The following PDCD5 variants were observed in gnomAD, a reference collection of about 807,000 sequenced individuals.
PDCD5 encodes the protein programmed cell death protein 5.
A neutral mutation model predicts 21.9 loss-of-function variants in PDCD5; 23 were observed. The observed-to-expected ratio is 1.05, with a 90% CI of 0.76 to 1.49. The LOEUF is 1.49. Among genes scored for constraint, PDCD5 ranks in the 40% most tolerant of loss-of-function variants. The probability of loss-of-function intolerance (pLI) is 0.00; values close to 1 mark genes in which losing one functional copy is unlikely to be tolerated. For missense variants in PDCD5, 152 were observed against 147.7 expected (o/e 1.03, Z -0.15); for synonymous variants, 45 against 49.4 (o/e 0.91, Z 0.37).
chr19:32,585,968 A>G lies in PDCD5; in HGVS notation c.258+61A>G, dbSNP rs376445308. On this transcript the variant is annotated intron_variant, in intron 4 of 5. Transcript: ENST00000590247. Reference sequence around the variant, plus strand: ...CCTGCTTTATCAAAACATGGCTTCAAAAGGTCAGCTGCATCTTCACTGGAT... The same window carrying G: ...CCTGCTTTATCAAAACATGGCTTCAGAAGGTCAGCTGCATCTTCACTGGAT... 27 of 1,613,908 alleles carry G rather than the reference A, an allele frequency of 1.7e-5. No homozygotes were observed. In the Admixed American group the frequency reaches 2.2e-4, roughly 13 times the overall value.
At chr19:32,587,052 A>G in intron 5 of PDCD5, 123 bp downstream of exon 5, 1 of 956,836 alleles carries the variant, frequency 1.0e-6, no homozygotes, top group South Asian at 1.6e-5. Flanking sequence ...AAACACGTGA[A>G]AGTTTGGGGA....
chr19:32,582,470 A>G (rs571148787), intron 2 of PDCD5, among the ~76,000 whole-genome samples: 1 of 152,298 alleles, frequency 6.6e-6, no homozygotes, highest in East Asian at 1.9e-4. Flanking sequence ...TGAGTACCTT[A>G]AAAATGAGCC....
Position 32,581,265 on chromosome 19 carries a change from GC to G in PDCD5, c.5del (p.Ala2GlyfsTer8). MADEELEALRRQ... is the reference protein window; with the variant it reads MXDEELEALRRQ... Reference sequence around the variant, plus strand: ...GCTCCAGCGCTGACGCCGAGCCATGGCGGACGAGGAGCTTGAGGCGCTGAGG... The same window carrying G: ...GCTCCAGCGCTGACGCCGAGCCATGGGGACGAGGAGCTTGAGGCGCTGAGG... On this transcript the variant is annotated frameshift_variant, in exon 1 of 6. Coordinates refer to ENST00000590247, the MANE Select transcript of PDCD5 (RefSeq NM_004708.4). LOFTEE classifies it high-confidence loss of function. 6.6e-7 allele frequency: 1 copy of G among 1,518,208 alleles called. No individual in the cohort carries two copies. The highest frequency in any genetic ancestry group is 1.4e-5 in the African/African-American group (1 of 70,058). 94.0% of individuals were successfully genotyped at this position (1,518,208 alleles called of 1,614,324 possible).
At chr19:32,586,061 A>G in intron 4 of PDCD5, 154 bp downstream of exon 4, 2 of 1,560,510 alleles carry the variant, frequency 1.3e-6, no homozygotes, top group Non-Finnish European at 1.7e-6. Context: ...TTAAAAGAGA[A>G]TAAATTGCCT....
chr19:32,587,360 T>C lies in PDCD5; in HGVS notation c.*60T>C. On this transcript the variant is annotated 3_prime_UTR_variant, in exon 6 of 6. Coordinates refer to ENST00000590247, the MANE Select transcript of PDCD5 (RefSeq NM_004708.4). Reference sequence around the variant, plus strand: ...CAAGTCTAGGACAGAAGTTAAGATCTGATTATTTACTTTGTTTATTGTCTA... The same window carrying C: ...CAAGTCTAGGACAGAAGTTAAGATCCGATTATTTACTTTGTTTATTGTCTA... 2.6e-6 allele frequency: 3 copies of C among 1,159,924 alleles called. No homozygotes were observed. Among genetic ancestry groups the C allele is most frequent in the Non-Finnish European group, 3.8e-6 (3 of 786,330 alleles). The allele number at this position is 1,159,924 out of a possible 1,614,324, so 71.9% of individuals were successfully genotyped here.
At chr19:32,584,486 C>T (rs1211249966) in intron 2 of PDCD5, among the ~76,000 whole-genome samples, 1 of 152,178 alleles carries the variant, frequency 6.6e-6, no homozygotes, top group East Asian at 1.9e-4. Context: ...AACTGAGAGT[C>T]TTAAAACATG....
chr19:32,584,864 C>A, intron 2 of PDCD5, 86 bp from the exon 3 acceptor site: 1 of 1,023,198 alleles, frequency 9.8e-7, no homozygotes, highest in Non-Finnish European at 1.6e-6. Context: ...TGTGGAGACA[C>A]ATACTGGATG....
chr19:32,586,406 C>A (rs778050031), intron 4 of PDCD5: 56 of 1,169,152 alleles, frequency 4.8e-5, no homozygotes, highest in Non-Finnish European at 5.9e-5. Flanking sequence ...GTCCTGTCCC[C>A]TAAACCCCTC....
Position 32,587,427 on chromosome 19 carries a change from AT to A in PDCD5, c.*130del. 6.7e-6 allele frequency: 4 copies of A among 600,002 alleles called. No homozygotes were observed. In the South Asian group the frequency reaches 1.4e-4, roughly 21 times the overall value. 37.2% of individuals were successfully genotyped at this position (600,002 alleles called of 1,614,324 possible). A position where few individuals can be genotyped will look rare whatever the true frequency, so the allele number is the denominator to read the frequency against. On this transcript the variant is annotated 3_prime_UTR_variant, in exon 6 of 6. Coordinates refer to ENST00000590247, the MANE Select transcript of PDCD5 (RefSeq NM_004708.4). ...ATAAACTTGTTATGCAAAATAAAAC[AT>A]TTGGGTAAGTTGTTTTAGTATCATA...
chr19:32,587,016 C>T, intron 5 of PDCD5, 87 bp downstream of exon 5: 1 of 1,183,370 alleles, frequency 8.5e-7, no homozygotes, highest in Non-Finnish European at 1.2e-6. Context: ...ACATATTTTT[C>T]AGCCCAGAGA....
chr19:32,581,994 C>T (rs1353415253), intron 1 of PDCD5, among the ~76,000 whole-genome samples: 2 of 152,138 alleles, frequency 1.3e-5, no homozygotes, highest in Non-Finnish European at 2.9e-5. Flanking sequence ...CCAAAGCCTT[C>T]TGAGGTTGTG....
chr19:32,585,607 C>A (rs1455393719), intron 3 of PDCD5, among the ~76,000 whole-genome samples: 1 of 152,110 alleles, frequency 6.6e-6, no homozygotes, highest in African/African-American at 2.4e-5. Flanking sequence ...TTAATCTTGG[C>A]TGGGCCACTA....
Position 32,586,938 on chromosome 19 carries a change from C to G in PDCD5, c.330+9C>G. ...AGACAACAACAGTGAAAGTAAGTGT[C>G]CCCAGATGCTTGTGGCAAATGAAAA... On this transcript the variant is annotated intron_variant, in intron 5 of 5. Coordinates refer to ENST00000590247, the MANE Select transcript of PDCD5 (RefSeq NM_004708.4). 1 of 1,592,726 alleles carries G rather than the reference C, an allele frequency of 6.3e-7. No individual in the cohort carries two copies. The highest frequency in any genetic ancestry group is 1.1e-5 in the South Asian group (1 of 88,346).
chr19:32,581,861 G>A (rs1390476122), intron 1 of PDCD5, among the ~76,000 whole-genome samples: 1 of 152,156 alleles, frequency 6.6e-6, no homozygotes, highest in Non-Finnish European at 1.5e-5. Flanking sequence ...GGGACGGAGG[G>A]CGCAGTCTTT....
chr19:32,581,397 C>T (rs1404226067), intron 1 of PDCD5, 70 bp downstream of exon 1: 13 of 1,116,514 alleles, frequency 1.2e-5, no homozygotes, highest in African/African-American at 4.9e-5. Context: ...GTAGGGCGCG[C>T]CTCCGGGGCG....
At position 32,581,211 on chromosome 19, in the gene PDCD5, G is replaced by GC. The variant is rs1287171543; in HGVS notation, c.-49dup. On this transcript the variant is annotated 5_prime_UTR_variant, in exon 1 of 6. Transcript: ENST00000590247. ...GCGCAGTGGTCAAGGCCGCGCTCGCGCCGAGGGGCTGCGAGAGTGACCGCG... is the reference window on the plus strand; with the variant it reads ...GCGCAGTGGTCAAGGCCGCGCTCGCGCCCGAGGGGCTGCGAGAGTGACCGCG... The GC allele has an allele frequency of 2.2e-6, 3 of 1,369,772 alleles. No individual in the cohort carries two copies. The highest frequency in any genetic ancestry group is 2.9e-6 in the Non-Finnish European group (3 of 1,031,258). 84.9% of individuals were successfully genotyped at this position (1,369,772 alleles called of 1,614,324 possible). A position where few individuals can be genotyped will look rare whatever the true frequency, so the allele number is the denominator to read the frequency against.
intron 2 of PDCD5, among the ~76,000 whole-genome samples, chr19:32,582,516 G>A (rs1208312178): frequency 6.6e-6 from 1 of 152,170 alleles, no homozygotes; most frequent in Non-Finnish European, 1.5e-5. Flanking sequence ...CCTCGGCTGT[G>A]GGGGTGACGT....
chr19:32,581,965 C>T (rs1332007455), intron 1 of PDCD5, among the ~76,000 whole-genome samples: 2 of 152,186 alleles, frequency 1.3e-5, no homozygotes, highest in African/African-American at 2.4e-5. Flanking sequence ...GGATTCCCCT[C>T]CCCAGGGTGC....
At chr19:32,585,055 G>C (rs1426646212) in intron 3 of PDCD5, 44 bp downstream of exon 3, 1 of 1,337,910 alleles carries the variant, frequency 7.5e-7, no homozygotes, top group African/African-American at 1.4e-5. Flanking sequence ...GCTTGAGTTA[G>C]TTGAATGGGG....
Sources: gnomAD v4.1 joint callset for allele counts (sites outside exome capture counted in the v4.1 genomes callset) on GRCh38, gnomAD v4.1.1 for gene constraint, MANE v1.5 for transcripts, NCBI Gene and HGNC (gene_info 2026-07-23, HGNC 2026-07-21) for gene names.